Variants in RPH3AL observed in about 807,000 individuals in gnomAD.
RPH3AL encodes the protein rabphilin 3A like (without C2 domains), also known as rab effector Noc2.
Under a neutral mutation model 43.1 loss-of-function variants are expected in RPH3AL, and 38 were observed. That is an observed-to-expected ratio of 0.88 (90% CI 0.68 to 1.15). The LOEUF (loss-of-function observed/expected upper bound fraction) is 1.15. Ranked by LOEUF, RPH3AL falls within the 50% of genes most tolerant of loss-of-function variation. The probability of loss-of-function intolerance (pLI) is 0.00; values close to 1 mark genes in which losing one functional copy is unlikely to be tolerated. For synonymous variants in RPH3AL, 189 were observed against 176.3 expected, an observed-to-expected ratio of 1.07 and a Z score of -0.57; for missense variants, 462 against 423.2, an observed-to-expected ratio of 1.09 and a Z score of -0.81.
chr17:228,626 G>A (rs1189444797), intron 7 of RPH3AL, among the ~76,000 whole-genome samples: 1 of 152,154 alleles, frequency 6.6e-6, no homozygotes, highest in East Asian at 1.9e-4. Flanking sequence ...AGGACACCCA[G>A]GACACAGGAT....
At chr17:229,869 G>A (rs976770030) in intron 7 of RPH3AL, among the ~76,000 whole-genome samples, 2 of 152,198 alleles carry the variant, frequency 1.3e-5, no homozygotes, top group African/African-American at 2.4e-5. Flanking sequence ...GGGCCTGTCC[G>A]CTTAGGGAGG....
chr17:333,076 A>C lies in RPH3AL; in HGVS notation c.-37+683T>G. 1 of 1,288,738 alleles carries C rather than the reference A, an allele frequency of 7.8e-7. No individual in the cohort carries two copies. 79.8% of individuals were successfully genotyped at this position (1,288,738 alleles called of 1,614,324 possible). ...TCCAGGAGGATGCAATTCTCTCTCT[A>C]AAGTCGAGAGCTCACCACCCCGGGC... is the stretch of plus-strand genomic sequence containing the variant. On this transcript the variant is annotated intron_variant, in intron 2 of 9. Transcript: ENST00000331302. This position sits in a 1 kb window ranked among gnomAD's most constrained non-coding sequence, Gnocchi z 4.5.
At chr17:272,967 T>G (rs141272866) in intron 6 of RPH3AL, among the ~76,000 whole-genome samples, 1 of 50,456 alleles carries the variant, frequency 2.0e-5, no homozygotes, top group African/African-American at 9.0e-5. Context: ...TACGTCAGGG[T>G]GAGACCCCAG....
rs530773298 is a variant in RPH3AL, at chr17:347,174, C to T, written c.-213+5538G>A. 5.0e-5 allele frequency among the ~76,000 whole-genome samples: 5 copies of T among 100,264 alleles called. No individual in the cohort carries two copies. In the South Asian group the frequency reaches 1.0e-3, roughly 20 times the overall value. The allele number at this position is 100,264 out of a possible 152,430, so 65.8% of individuals were successfully genotyped here. On this transcript the variant is annotated intron_variant, in intron 1 of 9. Transcript: ENST00000331302. ...TCAGGAGGCTGAGGCAGGAGAATGGCGTGAACCCGGGAGGCAGAGGTTGCA... is the reference window on the plus strand; with the variant it reads ...TCAGGAGGCTGAGGCAGGAGAATGGTGTGAACCCGGGAGGCAGAGGTTGCA...
intron 5 of RPH3AL, among the ~76,000 whole-genome samples, chr17:308,266 C>T (rs1226654249): frequency 3.9e-5 from 6 of 152,172 alleles, no homozygotes; most frequent in Non-Finnish European, 2.9e-5. Flanking sequence ...GAGTAGGGGA[C>T]AGGGCCGTGG....
intron 6 of RPH3AL, among the ~76,000 whole-genome samples, chr17:272,969 AGACCC>A (rs2042524599): frequency 1.7e-4 from 18 of 105,406 alleles, no homozygotes; most frequent in Admixed American, 1.1e-3. Context: ...CGTCAGGGTG[AGACCC>A]CAGCAAGGGC....
intron 1 of RPH3AL, among the ~76,000 whole-genome samples, chr17:340,765 CTCCCA>C (rs1190764674): frequency 1.8e-5 from 1 of 55,612 alleles, no homozygotes; most frequent in African/African-American, 9.9e-5. Flanking sequence ...CACTCACTGC[CTCCCA>C]CCCAGGCCTC....
intron 5 of RPH3AL, among the ~76,000 whole-genome samples, chr17:295,221 G>A (rs112429903): frequency 4.6e-5 from 6 of 131,628 alleles, no homozygotes; most frequent in Non-Finnish European, 3.3e-5. Context: ...CAGTGTGGGA[G>A]GGACACAGAT....
At chr17:235,894 G>C (rs991848435) in intron 7 of RPH3AL, among the ~76,000 whole-genome samples, 111 of 68,510 alleles carry the variant, frequency 1.6e-3, no homozygotes, top group Middle Eastern at 0.021. Context: ...AGTAACAAGA[G>C]GGATACAGGG....
intron 5 of RPH3AL, among the ~76,000 whole-genome samples, chr17:314,550 A>G (rs1188348418): frequency 7.3e-6 from 1 of 136,134 alleles, no homozygotes; most frequent in African/African-American, 2.9e-5. Flanking sequence ...ATTGACCTGT[A>G]GTCTCTGTGC....
In RPH3AL at chr17:281,767, CCT is replaced by C; in HGVS notation, c.437_438del (p.Glu146GlyfsTer27). 1 of 1,612,014 alleles carries C rather than the reference CCT, an allele frequency of 6.2e-7. No individual in the cohort carries two copies. The highest frequency in any genetic ancestry group is 8.5e-7 in the Non-Finnish European group (1 of 1,178,772). ...WLCKICSEQR[E>X]VWKRSGAWFY... ...CCCCACCGTCACCCTGGACGCCCTA[CCT>C]CTCTTTGCTCACTGCAGATCTTACA... On this transcript the variant is annotated frameshift_variant and splice_region_variant, in exon 6 of 10. Coordinates refer to ENST00000331302, the MANE Select transcript of RPH3AL (RefSeq NM_006987.4). LOFTEE classifies it high-confidence loss of function.
intron 6 of RPH3AL, among the ~76,000 whole-genome samples, chr17:259,616 T>G (rs890824459): frequency 2.6e-5 from 4 of 152,318 alleles, no homozygotes; most frequent in African/African-American, 9.6e-5. Flanking sequence ...TGCAAAACCC[T>G]ACTCGGCTCC....
intron 7 of RPH3AL, among the ~76,000 whole-genome samples, chr17:237,618 C>T (rs539988389): frequency 7.9e-5 from 12 of 152,362 alleles, no homozygotes; most frequent in South Asian, 4.1e-4. Flanking sequence ...TGGGTATTTA[C>T]ACCCTGTGAG....
At chr17:214,755 A>ATT (rs2151491992) in intron 9 of RPH3AL, 1 of 151,790 alleles carries the variant, frequency 6.6e-6, no homozygotes, top group South Asian at 2.1e-4. Context: ...GGGCAACAGC[A>ATT]TGAGATCCTG....
chr17:263,599 C>T (rs4985594), intron 6 of RPH3AL, among the ~76,000 whole-genome samples: 9,010 of 152,262 alleles, frequency 0.059, 362 homozygotes, highest in Non-Finnish European at 0.08. Context: ...TAATTGGATG[C>T]TGATATTATT....
intron 6 of RPH3AL, among the ~76,000 whole-genome samples, chr17:273,982 G>A (rs1167788916): frequency 1.3e-5 from 2 of 152,222 alleles, no homozygotes; most frequent in African/African-American, 2.4e-5. Context: ...AGGTACGTTT[G>A]AGACGCTGCA....
chr17:296,851 C>G (rs746682005), intron 5 of RPH3AL, among the ~76,000 whole-genome samples: 4 of 152,178 alleles, frequency 2.6e-5, no homozygotes, highest in Admixed American at 6.5e-5. Flanking sequence ...AACGTCCTGC[C>G]GGAGAAGGAA....
chr17:271,907 A>G (rs1454537097), intron 6 of RPH3AL, among the ~76,000 whole-genome samples: 1 of 152,244 alleles, frequency 6.6e-6, no homozygotes, highest in African/African-American at 2.4e-5. Context: ...ACAAATTTAC[A>G]AGAAAAAATC....
chr17:340,482 A>G (rs113445958), intron 1 of RPH3AL, among the ~76,000 whole-genome samples: 1,480 of 2,866 alleles, frequency 0.52, 643 homozygotes, highest in Middle Eastern at 0.88. Flanking sequence ...ACTGCCCCCC[A>G]CCCAGGCCTC....
Sources: allele counts gnomAD v4.1 joint callset (sites outside exome capture counted in the v4.1 genomes callset), GRCh38; gene constraint gnomAD v4.1.1; non-coding constraint Gnocchi (gnomAD v3.1); transcripts MANE v1.5; gene names NCBI Gene and HGNC (gene_info 2026-07-23, HGNC 2026-07-21).